Variants in FAM3D observed in about 807,000 individuals in gnomAD.
FAM3D encodes the protein FAM3 metabolism regulating signaling molecule D, also known as protein FAM3D.
In FAM3D, 26 loss-of-function variants were observed where a neutral mutation model predicts 29.8. That is an observed-to-expected ratio of 0.87 (90% CI 0.64 to 1.21). FAM3D has a LOEUF of 1.21. FAM3D is among the 50% of genes most tolerant of loss of function. FAM3D has a pLI of 0.00. For synonymous variants in FAM3D, 115 were observed against 102.3 expected, an observed-to-expected ratio of 1.12 and a Z score of -0.75; for missense variants, 253 against 290.9, an observed-to-expected ratio of 0.87 and a Z score of 0.95.
intron 1 of FAM3D, among the ~76,000 whole-genome samples, chr3:58,666,104 T>G (rs1199689184): frequency 6.6e-6 from 1 of 152,248 alleles, no homozygotes; most frequent in Non-Finnish European, 1.5e-5. Context: ...TTTATTCATT[T>G]TTCAAATATT....
intron 7 of FAM3D, among the ~76,000 whole-genome samples, chr3:58,637,878 G>GATGATTATTATT (rs1553633265): frequency 2.7e-5 from 4 of 148,708 alleles, no homozygotes; most frequent in African/African-American, 7.4e-5. Flanking sequence ...TTTCCCTTGT[G>GATGATTATTATT]ATTATTATTA....
intron 3 of FAM3D, among the ~76,000 whole-genome samples, chr3:58,652,860 C>CCA (rs2066681046): frequency 2.8e-5 from 3 of 105,998 alleles, no homozygotes; most frequent in South Asian, 8.1e-4. Context: ...GTCCATCCAT[C>CCA]TGTCCATCCA....
At chr3:58,652,374 C>CCATT (rs34638601) in intron 3 of FAM3D, among the ~76,000 whole-genome samples, 128,595 of 150,624 alleles carry the variant, frequency 0.85, 56,456 homozygotes, top group East Asian at 1. Context: ...ACCTGTCCAT[C>CCATT]CATTCATTCA....
chr3:58,652,573 AC>A (rs1210556751), intron 3 of FAM3D, among the ~76,000 whole-genome samples: 3 of 141,050 alleles, frequency 2.1e-5, no homozygotes, highest in African/African-American at 8.0e-5. Context: ...CCATCCATCC[AC>A]CCTTCCCTCC....
At chr3:58,647,181 G>A (rs1242734785) in intron 4 of FAM3D, among the ~76,000 whole-genome samples, 1 of 152,244 alleles carries the variant, frequency 6.6e-6, no homozygotes, top group African/African-American at 2.4e-5. Context: ...CACATGTGAT[G>A]GGTGGAACTG....
intron 7 of FAM3D, among the ~76,000 whole-genome samples, 199 bp from the exon 8 acceptor site, chr3:58,637,424 A>T (rs926078317): frequency 6.6e-6 from 1 of 152,102 alleles, no homozygotes; most frequent in African/African-American, 2.4e-5. Flanking sequence ...GACCAGAGTG[A>T]GGGGAACTCA....
intron 1 of FAM3D, among the ~76,000 whole-genome samples, chr3:58,663,472 G>A (rs988921187): frequency 2.0e-5 from 3 of 152,136 alleles, no homozygotes; most frequent in African/African-American, 7.2e-5. Flanking sequence ...TCCTTTACTT[G>A]TTGGGCTGGT....
rs1382473163 is a variant in FAM3D at position 58,634,786 on chromosome 3, T to A, written c.586-418A>T. On this transcript the variant is annotated intron_variant, in intron 9 of 9. Coordinates refer to ENST00000358781, the MANE Select transcript of FAM3D (RefSeq NM_138805.3). This position sits in a 1 kb window ranked among gnomAD's most constrained non-coding sequence, Gnocchi z 4.6. ...CCCTAGGGAGTGTGCACTGTTTACA[T>A]CCCATTCTACAGATGGGGAAGCTGA... Among the ~76,000 whole-genome samples the A allele has an allele frequency of 6.6e-6, 1 of 152,092 alleles. No homozygotes were observed. Among genetic ancestry groups the A allele is most frequent in the East Asian group, 1.9e-4 (1 of 5,204 alleles).
chr3:58,655,821 G>A (rs1334835262), intron 1 of FAM3D, among the ~76,000 whole-genome samples: 5 of 152,124 alleles, frequency 3.3e-5, no homozygotes, highest in African/African-American at 1.2e-4. Flanking sequence ...AATTCTCCAT[G>A]TTTTTTTGAA....
rs2066113772 is a variant in FAM3D, at chr3:58,634,734, G to A, written c.586-366C>T. Among the ~76,000 whole-genome samples, 1 of 152,170 alleles carries A rather than the reference G, an allele frequency of 6.6e-6. No homozygotes were observed. The highest frequency in any genetic ancestry group is 6.5e-5 in the Admixed American group (1 of 15,284). ...TGTATGCCACGTGGTGTTCTGCAGG[G>A]CCTTATGTATTTAATCTGCACAGTG... On this transcript the variant is annotated intron_variant, in intron 9 of 9. Transcript: ENST00000358781. The surrounding 1 kb of genome is among the most constrained non-coding windows in gnomAD (Gnocchi z 4.6).
intron 1 of FAM3D, among the ~76,000 whole-genome samples, chr3:58,665,886 A>T (rs2067020516): frequency 6.6e-6 from 1 of 152,246 alleles, no homozygotes; most frequent in South Asian, 2.1e-4. Context: ...AGTTGCGTAG[A>T]CAATGAGAAC....
chr3:58,665,263 C>T (rs868098185), intron 1 of FAM3D, among the ~76,000 whole-genome samples: 1 of 152,076 alleles, frequency 6.6e-6, no homozygotes, highest in South Asian at 2.1e-4. Flanking sequence ...AACAACCTCA[C>T]TGACTTCACC....
At chr3:58,661,731 T>A (rs1213402534) in intron 1 of FAM3D, among the ~76,000 whole-genome samples, 2 of 152,112 alleles carry the variant, frequency 1.3e-5, no homozygotes, top group East Asian at 3.9e-4. Context: ...TCTAATTTAG[T>A]GAAGATTAAA....
In FAM3D at chr3:58,645,553, C is replaced by A. The variant is rs773184577; in HGVS notation, c.219G>T (p.Gly73=). 122 of 1,614,046 alleles carry A rather than the reference C, an allele frequency of 7.6e-5. 2 individuals carry two copies. The East Asian group carries it at 2.7e-3, about 35-fold the overall frequency. ...TAGTAGGGCCCACGACGTTGGCGGCCCCACTGCAGATTTTAAACGCAAAGT... is the reference window on the plus strand; with the variant it reads ...TAGTAGGGCCCACGACGTTGGCGGCACCACTGCAGATTTTAAACGCAAAGT... The part of the protein sequence containing the change: ...ANYFAFKICS[G]AANVVGPTMC... The change falls in exon 5 of 10, where the codon GGG becomes GGT. Residue 73 remains glycine (G), a synonymous_variant. Coordinates refer to ENST00000358781, the MANE Select transcript of FAM3D (RefSeq NM_138805.3).
chr3:58,659,462 T>C (rs1238049838), intron 1 of FAM3D, among the ~76,000 whole-genome samples: 3 of 152,180 alleles, frequency 2.0e-5, no homozygotes, highest in African/African-American at 7.2e-5. Context: ...AGAGATGCTG[T>C]CTCTCCAGGC....
At chr3:58,643,210 G>A (rs1333258893) in intron 6 of FAM3D, among the ~76,000 whole-genome samples, 1 of 152,208 alleles carries the variant, frequency 6.6e-6, no homozygotes, top group Admixed American at 6.5e-5. Flanking sequence ...GTGAAGCCAG[G>A]GCCTTTCTAG....
chr3:58,653,580 G>C, intron 3 of FAM3D, 94 bp downstream of exon 3: 2 of 1,197,094 alleles, frequency 1.7e-6, no homozygotes, highest in Non-Finnish European at 2.4e-6. Flanking sequence ...AGCTTGTCAT[G>C]TCTCCTGGGT....
intron 5 of FAM3D, 101 bp downstream of exon 5, chr3:58,645,408 G>T: frequency 4.9e-6 from 4 of 821,436 alleles, no homozygotes; most frequent in East Asian, 5.5e-5. Flanking sequence ...GCTGTGGGCT[G>T]GTCTCACAGG....
chr3:58,640,295 A>T, intron 6 of FAM3D, 118 bp from the exon 7 acceptor site: 1 of 1,197,490 alleles, frequency 8.4e-7, no homozygotes, highest in African/African-American at 1.5e-5. Context: ...ATCTAATGAA[A>T]TCAGGTCCTA....
Sources: gnomAD v4.1 joint callset for allele counts (sites outside exome capture counted in the v4.1 genomes callset) on GRCh38, gnomAD v4.1.1 for gene constraint, Gnocchi (gnomAD v3.1) non-coding constraint, MANE v1.5 for transcripts, NCBI Gene and HGNC (gene_info 2026-07-23, HGNC 2026-07-21) for gene names.